The following PACRGL variants were observed in gnomAD, a reference collection of about 807,000 sequenced individuals.
PACRGL encodes the protein PACRG-like protein.
A neutral mutation model predicts 34.5 loss-of-function variants in PACRGL; 38 were observed. That is an observed-to-expected ratio of 1.10 (90% CI 0.85 to 1.44). PACRGL has a LOEUF of 1.44. Ranked by LOEUF, PACRGL falls within the 40% of genes most tolerant of loss-of-function variation. The probability of loss-of-function intolerance (pLI) is 0.00; values close to 1 mark genes in which losing one functional copy is unlikely to be tolerated. For missense variants in PACRGL, 305 were observed against 281.4 expected (o/e 1.08, Z -0.60); for synonymous variants, 128 against 100.1 (o/e 1.28, Z -1.66).
At chr4:20,712,202 T>G (rs1737597708) in intron 5 of PACRGL, among the ~76,000 whole-genome samples, 1 of 151,806 alleles carries the variant, frequency 6.6e-6, no homozygotes, top group Non-Finnish European at 1.5e-5. Context: ...TCTTTCTTCT[T>G]ATATTTTTTC....
chr4:20,715,063 G>T (rs995188786), intron 7 of PACRGL, among the ~76,000 whole-genome samples: 46 of 152,172 alleles, frequency 3.0e-4, no homozygotes, highest in African/African-American at 1.1e-3. Context: ...AGAAAATGTG[G>T]TACATACACA....
At chr4:20,739,680 C>A (rs376487083) in intron 8 of PACRGL, among the ~76,000 whole-genome samples, 1 of 152,132 alleles carries the variant, frequency 6.6e-6, no homozygotes, top group South Asian at 2.1e-4. Flanking sequence ...AATCAGAGAA[C>A]CTCTTCTCCA....
At chr4:20,756,829 C>T (rs1319534055), downstream of PACRGL, among the ~76,000 whole-genome samples, 2 of 152,022 alleles carry the variant, frequency 1.3e-5, no homozygotes, top group Non-Finnish European at 2.9e-5. Flanking sequence ...TTCTCTGTCT[C>T]CTTTGTTGAT....
chr4:20,758,913 A>G, the PACRGL span: 102 of 1,600,236 alleles, frequency 6.4e-5, no homozygotes, highest in East Asian at 2.1e-3. Context: ...GCAGAGAAGC[A>G]ATATGAGCAA....
chr4:20,718,240 T>C (rs551371938), intron 7 of PACRGL, among the ~76,000 whole-genome samples: 15 of 152,170 alleles, frequency 9.9e-5, no homozygotes, highest in Non-Finnish European at 1.6e-4. Flanking sequence ...GCTGAGACGA[T>C]GGGGTTTTCT....
At chr4:20,720,797 T>C (rs1742702946) in intron 7 of PACRGL, among the ~76,000 whole-genome samples, 2 of 152,146 alleles carry the variant, frequency 1.3e-5, no homozygotes, top group Non-Finnish European at 2.9e-5. Context: ...CTGACAATTA[T>C]GTGTCTTGGA....
At chr4:20,721,932 A>G (rs949153448) in intron 7 of PACRGL, among the ~76,000 whole-genome samples, 2 of 152,220 alleles carry the variant, frequency 1.3e-5, no homozygotes, top group Non-Finnish European at 2.9e-5. Flanking sequence ...GGTGGAGTCT[A>G]CAGAGGCAGG....
At chr4:20,709,815 T>C (rs115920049) in intron 5 of PACRGL, 42 bp downstream of exon 5, 2 of 1,476,390 alleles carry the variant, frequency 1.4e-6, no homozygotes, top group Non-Finnish European at 1.9e-6. Flanking sequence ...AAAATAAACA[T>C]TAAAAATTGC....
chr4:20,730,081 G>C lies in PACRGL; in HGVS notation c.*2740G>C, dbSNP rs1224107540. On this transcript the variant is annotated 3_prime_UTR_variant, in exon 9 of 9. Coordinates refer to ENST00000503585, the MANE Select transcript of PACRGL (RefSeq NM_001258345.3). The stretch of plus-strand genomic sequence containing the variant: ...GTTGGATTCAGGATCTATTTGACAA[G>C]TTAAATCACATTTTCAAAGAGCTGC... The C allele has an allele frequency of 6.2e-7, 1 of 1,608,398 alleles. No individual in the cohort carries two copies.
chr4:20,722,882 C>G (rs553878751), intron 7 of PACRGL, among the ~76,000 whole-genome samples: 5 of 152,186 alleles, frequency 3.3e-5, no homozygotes, highest in Admixed American at 2.6e-4. Flanking sequence ...TGTCTGCATT[C>G]TTCTGTATTT....
intron 7 of PACRGL, chr4:20,716,372 A>C: frequency 3.4e-6 from 2 of 581,864 alleles, no homozygotes; most frequent in Admixed American, 3.3e-5. Context: ...ATTATACTTT[A>C]AGTTCTAGGG....
At chr4:20,756,976 A>G (rs1754526854), downstream of PACRGL, among the ~76,000 whole-genome samples, 1 of 151,858 alleles carries the variant, frequency 6.6e-6, no homozygotes, top group Admixed American at 6.6e-5. Flanking sequence ...ATAATTCTCA[A>G]ATCTCTATCT....
intron 8 of PACRGL, among the ~76,000 whole-genome samples, chr4:20,742,802 A>G (rs1358014060): frequency 6.6e-6 from 1 of 152,158 alleles, no homozygotes; most frequent in Non-Finnish European, 1.5e-5. Flanking sequence ...ACATGATTGT[A>G]TATTTAGAAA....
In PACRGL at chr4:20,729,246, T is replaced by G. The variant is rs558419940; in HGVS notation, c.*1905T>G. 7.2e-5 allele frequency: 11 copies of G among 151,846 alleles called. No individual in the cohort carries two copies. The South Asian group carries it at 2.4e-3, about 34-fold the overall frequency. The allele number at this position is 151,846 out of a possible 1,614,324, so 9.4% of individuals were successfully genotyped here. On this transcript the variant is annotated 3_prime_UTR_variant, in exon 9 of 9. Coordinates refer to ENST00000503585, the MANE Select transcript of PACRGL (RefSeq NM_001258345.3). ...ATTACTATATACTGGAGGATAGATATCCTGACCCTTTGCATATGTCTGTAA... is the reference window on the plus strand; with the variant it reads ...ATTACTATATACTGGAGGATAGATAGCCTGACCCTTTGCATATGTCTGTAA...
At chr4:20,706,461 T>C (rs1472904423) in intron 3 of PACRGL, among the ~76,000 whole-genome samples, 1 of 152,232 alleles carries the variant, frequency 6.6e-6, no homozygotes, top group Admixed American at 6.5e-5. Context: ...GATATGCTTG[T>C]TACTTGAAAA....
At chr4:20,704,624 G>C in intron 2 of PACRGL, 36 bp from the exon 3 acceptor site, 4 of 1,613,588 alleles carry the variant, frequency 2.5e-6, no homozygotes, top group Non-Finnish European at 3.4e-6. Context: ...TTTATTGCTT[G>C]TACCTGGTTT....
rs1748540824 is a variant in PACRGL at position 20,732,429 on chromosome 4, A to G, written c.*5088A>G. Among the ~76,000 whole-genome samples the G allele has an allele frequency of 6.6e-6, 1 of 152,236 alleles. No homozygotes were observed. Among genetic ancestry groups the G allele is most frequent in the Admixed American group, 6.5e-5 (1 of 15,280 alleles). Reference sequence around the variant, plus strand: ...TTTATAGGATTCTTGTAAAAACTGAATGAAAACAAAACTTGTGAAACATGA... The same window carrying G: ...TTTATAGGATTCTTGTAAAAACTGAGTGAAAACAAAACTTGTGAAACATGA... On this transcript the variant is annotated 3_prime_UTR_variant, in exon 9 of 9. Coordinates refer to ENST00000503585, the MANE Select transcript of PACRGL (RefSeq NM_001258345.3).
At chr4:20,741,118 A>C (rs1750974435) in intron 8 of PACRGL, among the ~76,000 whole-genome samples, 1 of 152,156 alleles carries the variant, frequency 6.6e-6, no homozygotes, top group Non-Finnish European at 1.5e-5. Context: ...ACACAATAAT[A>C]ATGGGAGGCT....
At chr4:20,725,163 TAC>T (rs796799998) in intron 8 of PACRGL, among the ~76,000 whole-genome samples, 7 of 152,294 alleles carry the variant, frequency 4.6e-5, no homozygotes, top group African/African-American at 1.7e-4. Flanking sequence ...GGCGCAGTGG[TAC>T]AGTTTTTTTC....
Sources: allele counts gnomAD v4.1 joint callset (sites outside exome capture counted in the v4.1 genomes callset), GRCh38; gene constraint gnomAD v4.1.1; transcripts MANE v1.5; gene names NCBI Gene and HGNC (gene_info 2026-07-23, HGNC 2026-07-21).